The following ASB1 variants were observed in gnomAD, a reference collection of about 807,000 sequenced individuals.
ASB1 encodes the protein ankyrin repeat and SOCS box containing 1.
A neutral mutation model predicts 27.7 loss-of-function variants in ASB1; 18 were observed. The ratio of observed to expected loss-of-function variants is 0.65; its 90% CI spans 0.45 to 0.96. The LOEUF is 0.96. Among genes scored for constraint, ASB1 ranks in the 50% least tolerant of loss-of-function variants. The pLI is 0.00. For synonymous variants in ASB1, 189 were observed against 187.6 expected, an observed-to-expected ratio of 1.01 and a Z score of -0.06; for missense variants, 397 against 451.7, an observed-to-expected ratio of 0.88 and a Z score of 1.10.
At chr2:238,444,887 T>C (rs1702148392) in intron 4 of ASB1, among the ~76,000 whole-genome samples, 160 bp downstream of exon 4, 2 of 152,328 alleles carry the variant, frequency 1.3e-5, no homozygotes, top group South Asian at 4.1e-4. Context: ...TGATCTTCTC[T>C]TTTTAAATTC....
Position 238,444,441 on chromosome 2 carries a change from C to G in ASB1, c.594C>G (p.Ile198Met). ...CCTTGGTGGTCTGCCCCTTGTACAT[C>G]AGCGCAGCCTACCACAACCTCCAGT... ...LTSLVVCPLY[I>M]SAAYHNLQCF... Residue 198 changes from isoleucine (I) to methionine (M), a missense_variant, in exon 4 of 5, where the codon ATC (isoleucine) becomes ATG (methionine). Transcript: ENST00000264607. 6.2e-7 allele frequency: 1 copy of G among 1,614,200 alleles called. No homozygotes were observed.
intron 2 of ASB1, among the ~76,000 whole-genome samples, 198 bp from the exon 3 acceptor site, chr2:238,435,513 T>C (rs1701950117): frequency 6.6e-6 from 1 of 152,200 alleles, no homozygotes; most frequent in Non-Finnish European, 1.5e-5. Context: ...GTCTCTGGAA[T>C]GGGGCTCGTA....
chr2:238,427,900 C>T (rs1268567499), intron 1 of ASB1, among the ~76,000 whole-genome samples: 2 of 152,156 alleles, frequency 1.3e-5, no homozygotes, highest in African/African-American at 2.4e-5. Flanking sequence ...TGGAGGGGTT[C>T]CTCTCCTACT....
At chr2:238,433,778 A>G in intron 2 of ASB1, 83 bp downstream of exon 2, 5 of 1,495,750 alleles carry the variant, frequency 3.3e-6, no homozygotes, top group Non-Finnish European at 4.6e-6. Context: ...CGCTGTGCAG[A>G]TGAAGACCTT....
chr2:238,433,109 A>C (rs2106403518), intron 1 of ASB1, among the ~76,000 whole-genome samples: 1 of 152,114 alleles, frequency 6.6e-6, no homozygotes, highest in South Asian at 2.1e-4. Flanking sequence ...TTATCAGTGG[A>C]TTCTTTGACA....
chr2:238,446,559 G>A lies in ASB1; in HGVS notation c.*48G>A, dbSNP rs1049504840. On this transcript the variant is annotated 3_prime_UTR_variant, in exon 5 of 5. Coordinates refer to ENST00000264607, the MANE Select transcript of ASB1 (RefSeq NM_001040445.3). ...CCAGTGAGGGAGAAAGTGATCTGCA[G>A]GGAGGTGGACACCGAGCCCTGAGTG... The A allele has an allele frequency of 6.2e-7, 1 of 1,606,538 alleles. No individual in the cohort carries two copies. Among genetic ancestry groups the A allele is most frequent in the Non-Finnish European group, 8.5e-7 (1 of 1,178,672 alleles).
intron 1 of ASB1, chr2:238,427,420 A>G: frequency 6.6e-6 from 2 of 302,732 alleles, no homozygotes; most frequent in Non-Finnish European, 1.2e-5. Flanking sequence ...ATATGACCCA[A>G]CCGCAAAAGT....
chr2:238,445,850 A>G (rs1414710619), intron 4 of ASB1, among the ~76,000 whole-genome samples: 2 of 152,356 alleles, frequency 1.3e-5, no homozygotes, highest in Non-Finnish European at 2.9e-5. Context: ...TAGAAGCAGC[A>G]GCTTGCGTTC....
intron 3 of ASB1, among the ~76,000 whole-genome samples, chr2:238,441,295 T>C (rs930498677): frequency 6.6e-6 from 1 of 151,986 alleles, no homozygotes; most frequent in Admixed American, 6.6e-5. Context: ...CCACCACACT[T>C]AGTTAATTTT....
intron 2 of ASB1, among the ~76,000 whole-genome samples, chr2:238,434,081 A>C (rs143405730): frequency 2.0e-5 from 3 of 152,100 alleles, no homozygotes; most frequent in African/African-American, 7.2e-5. Context: ...ACCCTGCTTC[A>C]CCACCTTCCC....
In ASB1 at chr2:238,431,833, G is replaced by A. The variant is rs200431755; in HGVS notation, c.50-1721G>A. Among the ~76,000 whole-genome samples the A allele has an allele frequency of 4.6e-5, 7 of 152,194 alleles. No individual in the cohort carries two copies. In the East Asian group the frequency reaches 1.2e-3, roughly 25 times the overall value. On this transcript the variant is annotated intron_variant, in intron 1 of 4. Transcript: ENST00000264607. ...TTCATTGTCTCATATGGCACAGTTTGTGGCACCCCAAAACAATTACAATAG... is the reference window on the plus strand; with the variant it reads ...TTCATTGTCTCATATGGCACAGTTTATGGCACCCCAAAACAATTACAATAG...
chr2:238,427,190 C>A, intron 1 of ASB1, 71 bp downstream of exon 1: 2 of 1,110,248 alleles, frequency 1.8e-6, no homozygotes, highest in South Asian at 4.4e-5. Flanking sequence ...GCGTCCCTGC[C>A]GAGGTCCTGC....
At position 238,444,677 on chromosome 2, in the gene ASB1, G is replaced by A. The variant is rs1467279339; in HGVS notation, c.830G>A (p.Gly277Glu). ...KWESLGPESR[G>E]RRKVDPEALQ... ...GAATCGCTGGGCCCAGAGTCGAGAG[G>A]AAGAAGAAAAGTGGACCCTGAGGCC... Residue 277 changes from glycine (G) to glutamate (E), a missense_variant, in exon 4 of 5, where the codon GGA becomes GAA. Gly to Glu is a moderately conservative substitution (Grantham distance 98, BLOSUM62 -2). Coordinates refer to ENST00000264607, the MANE Select transcript of ASB1 (RefSeq NM_001040445.3). The A allele has an allele frequency of 6.2e-7, 1 of 1,613,998 alleles. No individual in the cohort carries two copies. Among genetic ancestry groups the A allele is most frequent in the East Asian group, 2.2e-5 (1 of 44,896 alleles).
rs939647812 is a variant in ASB1 at position 238,450,988 on chromosome 2, C to T, written c.*4477C>T. On this transcript the variant is annotated 3_prime_UTR_variant, in exon 5 of 5. Transcript: ENST00000264607. ...TCCTTTCTCACTTATGCCTCACTCC[C>T]CTCCTCCCGCTCCAAACCCGAACCT... 3.7e-5 allele frequency: 5 copies of T among 135,816 alleles called. No homozygotes were observed. The highest frequency in any genetic ancestry group is 2.1e-4 in the East Asian group (1 of 4,764). 8.4% of individuals were successfully genotyped at this position (135,816 alleles called of 1,614,324 possible).
intron 4 of ASB1, 26 bp downstream of exon 4, chr2:238,444,753 C>G (rs1367854215): frequency 6.4e-7 from 1 of 1,569,020 alleles, no homozygotes; most frequent in Non-Finnish European, 8.6e-7. Flanking sequence ...TCAGCTCTGA[C>G]TTGTGGGCTG....
chr2:238,438,199 AT>A (rs57391955), intron 3 of ASB1, among the ~76,000 whole-genome samples: 32 of 98,204 alleles, frequency 3.3e-4, no homozygotes, highest in Admixed American at 6.8e-4. Context: ...GATGCCCTTC[AT>A]TTTTTTTTTT....
At chr2:238,444,804 C>T in intron 4 of ASB1, 77 bp downstream of exon 4, 1 of 1,472,380 alleles carries the variant, frequency 6.8e-7, no homozygotes, top group East Asian at 2.3e-5. Context: ...AAACAAAAAA[C>T]AAAAACCTCC....
Position 238,448,419 on chromosome 2 carries a change from G to A in ASB1, c.*1908G>A, listed in dbSNP as rs1034326643. ...CTCATCACCCTGGTAGGGCTGATAGGGGCTTTCAGGGAGGCTGGTTAGCTC... is the reference window on the plus strand; with the variant it reads ...CTCATCACCCTGGTAGGGCTGATAGAGGCTTTCAGGGAGGCTGGTTAGCTC... On this transcript the variant is annotated 3_prime_UTR_variant, in exon 5 of 5. Transcript: ENST00000264607. 3.3e-5 allele frequency: 5 copies of A among 152,232 alleles called. No homozygotes were observed. Among genetic ancestry groups the A allele is most frequent in the African/African-American group, 1.2e-4 (5 of 41,436 alleles). The allele number at this position is 152,232 out of a possible 1,614,324, so 9.4% of individuals were successfully genotyped here.
rs1702201624 is a variant in ASB1, at chr2:238,447,376, G to A, written c.*865G>A. 6.5e-6 allele frequency: 1 copy of A among 152,780 alleles called. No individual in the cohort carries two copies. The highest frequency in any genetic ancestry group is 2.4e-5 in the African/African-American group (1 of 41,464). The allele number at this position is 152,780 out of a possible 1,614,324, so 9.5% of individuals were successfully genotyped here. On this transcript the variant is annotated 3_prime_UTR_variant, in exon 5 of 5. Transcript: ENST00000264607. The stretch of plus-strand genomic sequence containing the variant: ...CAGCGAGTCCTCTGGGTGGTTATGA[G>A]CCTCCAGGCGCATGCTGTCCAGTGG...
Sources: gnomAD v4.1 joint callset for allele counts (sites outside exome capture counted in the v4.1 genomes callset) on GRCh38, gnomAD v4.1.1 for gene constraint, MANE v1.5 for transcripts, NCBI Gene and HGNC (gene_info 2026-07-23, HGNC 2026-07-21) for gene names.